Variants in PDE4D observed in about 807,000 individuals in gnomAD.
PDE4D encodes phosphodiesterase 4D.
PDE4D carries 24 observed loss-of-function variants against 87.4 expected under a neutral mutation model. The observed-to-expected ratio is 0.27, with a 90% CI of 0.20 to 0.39. PDE4D has a LOEUF of 0.39. Among genes scored for constraint, PDE4D ranks in the 10% least tolerant of loss-of-function variants. The pLI is 1.00. For missense variants in PDE4D, 714 were observed against 1,041.0 expected, an observed-to-expected ratio of 0.69 and a Z score of 4.32; for synonymous variants, 384 against 383.2, an observed-to-expected ratio of 1.00 and a Z score of -0.02.
intron 1 of PDE4D, among the ~76,000 whole-genome samples, chr5:59,364,135 G>C (rs78173327): frequency 2.5e-3 from 387 of 152,300 alleles, no homozygotes; most frequent in African/African-American, 8.7e-3. Flanking sequence ...AACTTAGGGT[G>C]CCATTTACTA....
intron 1 of PDE4D, among the ~76,000 whole-genome samples, chr5:59,674,706 TA>T (rs1280527337): frequency 6.6e-6 from 1 of 152,202 alleles, no homozygotes; most frequent in Non-Finnish European, 1.5e-5. Context: ...TTTGATGAAA[TA>T]AATCCAAAAG....
intron 1 of PDE4D, among the ~76,000 whole-genome samples, chr5:59,491,299 T>C (rs1206091666): frequency 6.6e-6 from 1 of 152,200 alleles, no homozygotes; most frequent in Non-Finnish European, 1.5e-5. Context: ...TCAGATACCA[T>C]ATATAAAGCA....
At chr5:60,073,498 T>C (rs1772957741) in intron 2 of PDE4D, among the ~76,000 whole-genome samples, 1 of 151,378 alleles carries the variant, frequency 6.6e-6, no homozygotes, top group Non-Finnish European at 1.5e-5. Flanking sequence ...AGGTGTTTTT[T>C]TTTTTTTTTA....
rs150943037 is a variant in PDE4D, at chr5:60,195,347, G to A, written c.-89-9660C>T. ...TGCCCTGGACTCTAAGTCCCTTGAG[G>A]TTAGAAAACATTTCATGTTTATATA... On this transcript the variant is annotated intron_variant, in intron 1 of 16. Transcript: ENST00000502484. Among the ~76,000 whole-genome samples the A allele has an allele frequency of 5.1e-3, 768 of 151,640 alleles. 18 individuals are homozygous for A. The highest frequency in any genetic ancestry group is 0.017 in the African/African-American group (724 of 41,432).
rs1191086458 is a variant in PDE4D, at chr5:59,162,945, A to AT, written c.808+17649dup. 1.7e-3 allele frequency among the ~76,000 whole-genome samples: 242 copies of AT among 144,660 alleles called. 1 individual carries two copies. Among genetic ancestry groups the AT allele is most frequent in the African/African-American group, 4.6e-3 (183 of 39,502 alleles). The allele number at this position is 144,660 out of a possible 152,430, so 94.9% of individuals were successfully genotyped here. A position where few individuals can be genotyped will look rare whatever the true frequency, so the allele number is the denominator to read the frequency against. ...ATATACACTCTCACTTATCTAATTG[A>AT]TTTTTTTTTTTTCTTCGAGGCAGAG... On this transcript the variant is annotated intron_variant, in intron 5 of 14. Transcript: ENST00000340635.
intron 1 of PDE4D, among the ~76,000 whole-genome samples, chr5:59,244,133 T>TTA (rs1346029928): frequency 2.6e-5 from 4 of 151,624 alleles, no homozygotes; most frequent in East Asian, 1.9e-4. Flanking sequence ...GAATAAAAAA[T>TTA]TATATATATA....
At chr5:59,037,277 T>G (rs1484445350) in intron 6 of PDE4D, among the ~76,000 whole-genome samples, 1 of 152,164 alleles carries the variant, frequency 6.6e-6, no homozygotes, top group African/African-American at 2.4e-5. Flanking sequence ...AAATATACAC[T>G]AATGCTTGCA....
rs993501911 is a variant in PDE4D at position 60,467,506 on chromosome 5, T to C, written c.-90+20436A>G. Among the ~76,000 whole-genome samples the C allele has an allele frequency of 1.3e-5, 2 of 152,170 alleles. 1 individual carries two copies. Among genetic ancestry groups the C allele is most frequent in the South Asian group, 4.1e-4 (2 of 4,834 alleles). On this transcript the variant is annotated intron_variant, in intron 1 of 16. Coordinates refer to the PDE4D transcript ENST00000502484. ...TGCCTTCACAGCCTATGGTCAACCA[T>C]CTCCAACTGAATTCTCTCTGAACTC... is the stretch of plus-strand genomic sequence containing the variant.
At chr5:59,091,140 AAAAG>A (rs1561468140) in intron 5 of PDE4D, 1 of 453,936 alleles carries the variant, frequency 2.2e-6, no homozygotes, top group African/African-American at 2.0e-5. Flanking sequence ...CATTTGAAAA[AAAAG>A]AAAGAAAATC....
At chr5:60,290,360 C>T (rs1752786212) in intron 1 of PDE4D, among the ~76,000 whole-genome samples, 1 of 151,024 alleles carries the variant, frequency 6.6e-6, no homozygotes, top group African/African-American at 2.4e-5. Flanking sequence ...GTATAAGGAA[C>T]AAAAAAAGAA....
intron 3 of PDE4D, among the ~76,000 whole-genome samples, chr5:59,909,627 C>T (rs1753223661): frequency 2.0e-5 from 3 of 152,110 alleles, no homozygotes. Flanking sequence ...TCAAGCAATC[C>T]ACCCACCTCG....
At chr5:59,943,526 T>C (rs912686897) in intron 3 of PDE4D, among the ~76,000 whole-genome samples, 2 of 152,224 alleles carry the variant, frequency 1.3e-5, no homozygotes, top group Non-Finnish European at 2.9e-5. Context: ...CCTTCACTTA[T>C]AGTTTAGGTT....
chr5:59,313,723 G>A lies in PDE4D; in HGVS notation c.456-97755C>T, dbSNP rs150896360. Among the ~76,000 whole-genome samples, 221 of 152,246 alleles carry A rather than the reference G, an allele frequency of 1.5e-3. 5 individuals carry two copies. The highest frequency in any genetic ancestry group is 0.012 in the Admixed American group (185 of 15,294). On this transcript the variant is annotated intron_variant, in intron 1 of 14. Coordinates refer to ENST00000340635, the MANE Select transcript of PDE4D (RefSeq NM_001104631.2). ...ACCTAGAACCAAATATATATACAGA[G>A]AGTACTGCTGGCTCCAGACCCTCTA...
chr5:59,383,791 C>A (rs244597), intron 1 of PDE4D, among the ~76,000 whole-genome samples: 57,477 of 151,852 alleles, frequency 0.38, 12,264 homozygotes, highest in African/African-American at 0.59. Flanking sequence ...GCTTATATAC[C>A]TACATATTTA....
At chr5:59,794,013 G>A (rs1265714811) in intron 1 of PDE4D, among the ~76,000 whole-genome samples, 1 of 152,056 alleles carries the variant, frequency 6.6e-6, no homozygotes, top group Non-Finnish European at 1.5e-5. Flanking sequence ...TTGCACTCAT[G>A]TGTATACACA....
chr5:59,999,692 A>T (rs938834466), intron 2 of PDE4D, among the ~76,000 whole-genome samples: 1 of 152,036 alleles, frequency 6.6e-6, no homozygotes, highest in East Asian at 1.9e-4. Flanking sequence ...ACACAAAGAA[A>T]CAGGGAAACA....
chr5:59,551,593 A>AT (rs1310803852), intron 1 of PDE4D, among the ~76,000 whole-genome samples: 2 of 151,960 alleles, frequency 1.3e-5, no homozygotes, highest in African/African-American at 4.8e-5. Flanking sequence ...ACAATATTAT[A>AT]TATTACATGA....
chr5:59,886,174 A>G (rs1444637350), intron 1 of PDE4D, among the ~76,000 whole-genome samples: 1 of 152,242 alleles, frequency 6.6e-6, no homozygotes, highest in Non-Finnish European at 1.5e-5. Context: ...TAATGGGGGA[A>G]ACACATAAAA....
At chr5:59,048,908 A>G (rs1381138570) in intron 5 of PDE4D, among the ~76,000 whole-genome samples, 2 of 152,126 alleles carry the variant, frequency 1.3e-5, no homozygotes, top group Admixed American at 1.3e-4. Context: ...CCTTGGATTC[A>G]CTTTTTCTCA....
Sources: allele counts gnomAD v4.1 joint callset (sites outside exome capture counted in the v4.1 genomes callset), GRCh38; gene constraint gnomAD v4.1.1; transcripts MANE v1.5; gene names NCBI Gene and HGNC (gene_info 2026-07-23, HGNC 2026-07-21).